Variants in RERE observed in about 807,000 individuals in gnomAD.
The protein encoded by RERE is arginine-glutamic acid dipeptide repeats.
Under a neutral mutation model 146.1 loss-of-function variants are expected in RERE, and 40 were observed. The observed-to-expected ratio is 0.27, with a 90% CI of 0.21 to 0.36. RERE has a LOEUF of 0.36. Ranked by LOEUF, RERE falls within the 10% of genes least tolerant of loss-of-function variation. The pLI, the probability that RERE is intolerant of heterozygous loss-of-function variation, is 1.00. For synonymous variants in RERE, 1,003 were observed against 866.0 expected (o/e 1.16, Z -2.78); for missense variants, 1,933 against 2,138.7 (o/e 0.90, Z 1.90).
chr1:8,398,771 G>A (rs1461140344), intron 12 of RERE, among the ~76,000 whole-genome samples: 1 of 152,060 alleles, frequency 6.6e-6, no homozygotes, highest in Non-Finnish European at 1.5e-5. Flanking sequence ...ATGGAATCTG[G>A]CACAGGGCCT....
intron 7 of RERE, among the ~76,000 whole-genome samples, chr1:8,527,244 C>A (rs938360661): frequency 4.6e-5 from 7 of 152,212 alleles, no homozygotes; most frequent in African/African-American, 1.7e-4. Context: ...TGACCTAACA[C>A]ATGAAACAAG....
intron 1 of RERE, chr1:8,792,608 T>C (rs1641382737): frequency 6.6e-6 from 1 of 152,194 alleles, no homozygotes; most frequent in Admixed American, 6.5e-5. Flanking sequence ...GACAGATGAC[T>C]ATCACTGTGA....
chr1:8,491,046 T>C (rs1044035765), intron 10 of RERE, among the ~76,000 whole-genome samples: 1 of 150,614 alleles, frequency 6.6e-6, no homozygotes, highest in Non-Finnish European at 1.5e-5. Context: ...AGAATAAAAA[T>C]AAGTAATCTA....
intron 10 of RERE, among the ~76,000 whole-genome samples, chr1:8,470,797 A>T (rs1410819276): frequency 7.3e-6 from 1 of 136,918 alleles, no homozygotes; most frequent in Admixed American, 7.7e-5. Flanking sequence ...ATTCTGAGAC[A>T]TCTTTAAAGA....
intron 8 of RERE, among the ~76,000 whole-genome samples, chr1:8,501,982 A>G (rs1187658231): frequency 1.5e-5 from 1 of 65,664 alleles, no homozygotes; most frequent in African/African-American, 5.9e-5. Context: ...TCCGGGAGGG[A>G]GGTGGGGGGG....
intron 4 of RERE, among the ~76,000 whole-genome samples, chr1:8,588,259 A>C (rs889820481): frequency 6.6e-6 from 1 of 152,252 alleles, no homozygotes. Flanking sequence ...GGGGAAATTT[A>C]AAGTAAATCA....
chr1:8,587,202 A>G (rs1570473518), intron 4 of RERE, among the ~76,000 whole-genome samples: 2 of 152,220 alleles, frequency 1.3e-5, no homozygotes, highest in East Asian at 3.8e-4. Flanking sequence ...GTTTAAGCAC[A>G]GGCTTTAAAA....
intron 2 of RERE, among the ~76,000 whole-genome samples, chr1:8,653,081 G>T (rs184091210): frequency 2.0e-5 from 3 of 152,142 alleles, no homozygotes; most frequent in African/African-American, 7.2e-5. Context: ...TCCCATAAAT[G>T]GGAAAAATAG....
chr1:8,361,599 C>T, intron 17 of RERE, 109 bp from the exon 18 acceptor site: 1 of 1,478,924 alleles, frequency 6.8e-7, no homozygotes, highest in African/African-American at 1.4e-5. Context: ...AAGCAGCAAG[C>T]TTGGCTCCGG....
At chr1:8,739,136 A>G (rs139857012) in intron 1 of RERE, among the ~76,000 whole-genome samples, 2 of 152,382 alleles carry the variant, frequency 1.3e-5, no homozygotes, top group African/African-American at 2.4e-5. Context: ...AAGTTGGCAA[A>G]TAAGACCTTG....
intron 10 of RERE, among the ~76,000 whole-genome samples, chr1:8,482,363 T>C (rs1034509248): frequency 2.0e-5 from 3 of 152,016 alleles, no homozygotes; most frequent in African/African-American, 7.2e-5. Context: ...AAGTACTAAA[T>C]TTTAAAAGCC....
rs747047186 is a variant in RERE, at chr1:8,358,181, C to G, written c.4339+15G>C. On this transcript the variant is annotated intron_variant, in intron 20 of 22. Coordinates refer to ENST00000400908, the MANE Select transcript of RERE (RefSeq NM_001042681.2). The stretch of plus-strand genomic sequence containing the variant: ...CCCCGTGCCTCTGTCCCACCTGCCA[C>G]GCTGGGGCACGCACCTTGGTGGAGG... 6.4e-7 allele frequency: 1 copy of G among 1,574,496 alleles called. No individual in the cohort carries two copies. The highest frequency in any genetic ancestry group is 8.7e-7 in the Non-Finnish European group (1 of 1,152,918).
intron 7 of RERE, among the ~76,000 whole-genome samples, chr1:8,534,455 G>A (rs548539962): frequency 6.6e-6 from 1 of 152,218 alleles, no homozygotes; most frequent in African/African-American, 2.4e-5. Context: ...ATAGGTGCAA[G>A]TGTGTGCATT....
intron 4 of RERE, 88 bp from the exon 5 acceptor site, chr1:8,557,611 C>T (rs979066906): frequency 9.0e-5 from 71 of 788,040 alleles, no homozygotes; most frequent in African/African-American, 3.4e-5. Flanking sequence ...CCCCTGTAAA[C>T]GGGTGGACAC....
chr1:8,518,249 T>A (rs1186414669), intron 7 of RERE, among the ~76,000 whole-genome samples: 8 of 152,180 alleles, frequency 5.3e-5, no homozygotes, highest in African/African-American at 1.9e-4. Flanking sequence ...GGGCAAGAGC[T>A]GACCCCCTCA....
intron 1 of RERE, among the ~76,000 whole-genome samples, chr1:8,772,398 T>C (rs1640969572): frequency 6.6e-6 from 1 of 151,758 alleles, no homozygotes. Flanking sequence ...GGAAAAAAAA[T>C]TAGATTACAT....
intron 3 of RERE, among the ~76,000 whole-genome samples, chr1:8,617,343 C>CCAAAAAAAAAAAAAA (rs1646865498): frequency 1.2e-5 from 1 of 80,428 alleles, no homozygotes; most frequent in Non-Finnish European, 2.3e-5. Flanking sequence ...AACTCTGTCT[C>CCAAAAAAAAAAAAAA]AAAAAAAAAA....
At chr1:8,661,166 T>C (rs565357036) in intron 1 of RERE, among the ~76,000 whole-genome samples, 1 of 152,128 alleles carries the variant, frequency 6.6e-6, no homozygotes, top group East Asian at 1.9e-4. Flanking sequence ...GTAGGAGCAT[T>C]AGAGAGAAAG....
intron 7 of RERE, among the ~76,000 whole-genome samples, chr1:8,515,822 GA>G (rs1645407174): frequency 6.6e-6 from 1 of 152,114 alleles, no homozygotes; most frequent in Admixed American, 6.5e-5. Flanking sequence ...ACTACTGTAT[GA>G]ATTAAGAAAC....
Sources: gnomAD v4.1 joint callset for allele counts (sites outside exome capture counted in the v4.1 genomes callset) on GRCh38, gnomAD v4.1.1 for gene constraint, MANE v1.5 for transcripts, NCBI Gene and HGNC (gene_info 2026-07-23, HGNC 2026-07-21) for gene names.